SMARCAL1: variants seen among roughly 807,000 people sequenced by gnomAD.
SMARCAL1 encodes ATP-driven annealing helicase.
A neutral mutation model predicts 94.5 loss-of-function variants in SMARCAL1; 58 were observed. That is an observed-to-expected ratio of 0.61 (90% CI 0.50 to 0.76). The LOEUF is 0.76. Ranked by LOEUF, SMARCAL1 falls within the 30% of genes least tolerant of loss-of-function variation. The probability of loss-of-function intolerance (pLI) is 0.00; values close to 1 mark genes in which losing one functional copy is unlikely to be tolerated. For synonymous variants in SMARCAL1, 422 were observed against 455.1 expected, an observed-to-expected ratio of 0.93 and a Z score of 0.93; for missense variants, 1,051 against 1,177.9, an observed-to-expected ratio of 0.89 and a Z score of 1.58.
chr2:216,438,767 T>G (rs1694132985), intron 10 of SMARCAL1, among the ~76,000 whole-genome samples: 1 of 152,136 alleles, frequency 6.6e-6, no homozygotes, highest in Non-Finnish European at 1.5e-5. Flanking sequence ...GGGTGGGCAT[T>G]GGACTCCAGA....
chr2:216,477,064 C>G (rs1042679147), intron 15 of SMARCAL1, 45 bp from the exon 16 acceptor site: 14 of 1,477,834 alleles, frequency 9.5e-6, no homozygotes, highest in Non-Finnish European at 1.3e-5. Context: ...GTGGATGGAA[C>G]TGCTTCAGGC....
Position 216,447,174 on chromosome 2 carries a change from T to C in SMARCAL1, c.1851+16T>C. On this transcript the variant is annotated intron_variant, in intron 11 of 17. Coordinates refer to ENST00000357276, the MANE Select transcript of SMARCAL1 (RefSeq NM_014140.4). ...TGCCAAACGGGTATGTATTATCTCT[T>C]CCCTCCCAGCCCACCCATTTCTCAC... is the stretch of plus-strand genomic sequence containing the variant. 1 of 1,579,322 alleles carries C rather than the reference T, an allele frequency of 6.3e-7. No homozygotes were observed. Among genetic ancestry groups the C allele is most frequent in the Non-Finnish European group, 8.7e-7 (1 of 1,150,208 alleles).
At chr2:216,421,476 T>A (rs1037659200) in intron 5 of SMARCAL1, among the ~76,000 whole-genome samples, 5 of 152,126 alleles carry the variant, frequency 3.3e-5, no homozygotes, top group Non-Finnish European at 4.4e-5. Context: ...TTTTGTATTT[T>A]TAGTAGAAGT....
intron 10 of SMARCAL1, chr2:216,446,763 C>G: frequency 1.6e-6 from 1 of 621,110 alleles, no homozygotes; most frequent in Non-Finnish European, 3.0e-6. Context: ...TGCAGTCTAA[C>G]AAGGGAGACA....
rs1342420059 is a variant in SMARCAL1 at position 216,482,660 on chromosome 2, C to A, written c.2626-78C>A. On this transcript the variant is annotated intron_variant, in intron 17 of 17. Transcript: ENST00000357276. The surrounding 1 kb of genome is among the most constrained non-coding windows in gnomAD (Gnocchi z 4.3). Reference sequence around the variant, plus strand: ...GTGGTCTCTCATCTTTATATTCTCTCATCAGCCCTAGTGGAGGAGAGTCAG... The same window carrying A: ...GTGGTCTCTCATCTTTATATTCTCTAATCAGCCCTAGTGGAGGAGAGTCAG... The A allele has an allele frequency of 6.3e-7, 1 of 1,592,002 alleles. No individual in the cohort carries two copies. Among genetic ancestry groups the A allele is most frequent in the African/African-American group, 1.3e-5 (1 of 74,476 alleles).
At position 216,432,977 on chromosome 2, in the gene SMARCAL1, CAAGT is replaced by C. The variant is rs1004690280; in HGVS notation, c.1485+112_1485+115del. On this transcript the variant is annotated intron_variant, in intron 8 of 17. Transcript: ENST00000357276. ...CTAGGGATCTTTAAGGATCCTGTCT[CAAGT>C]AAAGGCAAAGGCAGGAAGAGAGATG... The C allele has an allele frequency of 3.0e-5, 42 of 1,378,836 alleles. No homozygotes were observed. In the Middle Eastern group the frequency reaches 7.6e-4, roughly 25 times the overall value. 85.4% of individuals were successfully genotyped at this position (1,378,836 alleles called of 1,614,324 possible). A position where few individuals can be genotyped will look rare whatever the true frequency, so the allele number is the denominator to read the frequency against.
At chr2:216,426,922 G>T (rs1434999374) in intron 6 of SMARCAL1, 2 of 152,224 alleles carry the variant, frequency 1.3e-5, no homozygotes, top group Non-Finnish European at 2.9e-5. Flanking sequence ...ACCTGAGTAC[G>T]TGAATGCTCA....
intron 13 of SMARCAL1, among the ~76,000 whole-genome samples, chr2:216,467,051 G>A (rs1350449863): frequency 6.6e-6 from 1 of 152,162 alleles, no homozygotes; most frequent in Non-Finnish European, 1.5e-5. Flanking sequence ...CCTCTTCTTT[G>A]GGATTGTGAT....
At chr2:216,417,024 A>G (rs1380894916) in intron 4 of SMARCAL1, among the ~76,000 whole-genome samples, 1 of 152,130 alleles carries the variant, frequency 6.6e-6, no homozygotes, top group Non-Finnish European at 1.5e-5. Flanking sequence ...TTCATCTTCC[A>G]TTTATTTTAC....
At chr2:216,480,825 A>G (rs917306427) in intron 17 of SMARCAL1, among the ~76,000 whole-genome samples, 1 of 152,186 alleles carries the variant, frequency 6.6e-6, no homozygotes, top group Admixed American at 6.5e-5. Flanking sequence ...TTGATGAGGT[A>G]GGGACAGCGG....
intron 10 of SMARCAL1, among the ~76,000 whole-genome samples, chr2:216,442,009 G>GT (rs1694207371): frequency 6.6e-6 from 1 of 152,196 alleles, no homozygotes; most frequent in Non-Finnish European, 1.5e-5. Flanking sequence ...CTCTTTTTCT[G>GT]TAAGTAGAGA....
At chr2:216,448,961 C>A (rs1295664417) in intron 11 of SMARCAL1, among the ~76,000 whole-genome samples, 1 of 152,210 alleles carries the variant, frequency 6.6e-6, no homozygotes, top group African/African-American at 2.4e-5. Context: ...TTTTCTGTTG[C>A]TGTAACTAAA....
chr2:216,477,054 G>A, intron 15 of SMARCAL1, 55 bp from the exon 16 acceptor site: 3 of 1,407,518 alleles, frequency 2.1e-6, no homozygotes, highest in Non-Finnish European at 2.9e-6. Context: ...ACCTGCTATG[G>A]TGGATGGAAC....
At chr2:216,416,551 G>A (rs561569522) in intron 4 of SMARCAL1, among the ~76,000 whole-genome samples, 109 of 152,296 alleles carry the variant, frequency 7.2e-4, no homozygotes, top group African/African-American at 2.6e-3. Flanking sequence ...GCTATTCTAA[G>A]CCCCTTATGC....
At position 216,468,564 on chromosome 2, in the gene SMARCAL1, C is replaced by T. The variant is rs564563730; in HGVS notation, c.2244+518C>T. Among the ~76,000 whole-genome samples, 3 of 152,188 alleles carry T rather than the reference C, an allele frequency of 2.0e-5. No homozygotes were observed. In the East Asian group the frequency reaches 5.8e-4, roughly 29 times the overall value. ...TTATGAAAACTGAACACATTTCATC[C>T]CCTTTTCATTTTTGGTTAAATTTAA... is the stretch of plus-strand genomic sequence containing the variant. On this transcript the variant is annotated intron_variant, in intron 14 of 17. Transcript: ENST00000357276.
At chr2:216,430,777 C>T (rs902829205) in intron 7 of SMARCAL1, among the ~76,000 whole-genome samples, 3 of 152,210 alleles carry the variant, frequency 2.0e-5, no homozygotes, top group Non-Finnish European at 4.4e-5. Context: ...GCTCAAAGGG[C>T]GTGGGGCTCT....
Position 216,475,210 on chromosome 2 carries a change from G to A in SMARCAL1, c.2245-59G>A, listed in dbSNP as rs187409009. The A allele has an allele frequency of 8.2e-6, 13 of 1,587,384 alleles. No individual in the cohort carries two copies. The African/African-American group carries it at 1.6e-4, about 20-fold the overall frequency. ...TGTGCTGGAGCTGTGGCTGGGTGTG[G>A]TTTGCTGAGAAGCCCCCGGGGCTGT... On this transcript the variant is annotated intron_variant, in intron 14 of 17. Transcript: ENST00000357276. This position sits in a 1 kb window ranked among gnomAD's most constrained non-coding sequence, Gnocchi z 4.4.
At position 216,447,082 on chromosome 2, in the gene SMARCAL1, C is replaced by T. The variant is rs199876834; in HGVS notation, c.1775C>T (p.Thr592Met). 34 of 1,614,040 alleles carry T rather than the reference C, an allele frequency of 2.1e-5. No individual in the cohort carries two copies. Among genetic ancestry groups the T allele is most frequent in the Admixed American group, 1.2e-4 (7 of 60,014 alleles). ...PAMSRPAELY[T>M]QIIAVKPTFF... Reference sequence around the variant, plus strand: ...ATGTCCCGGCCCGCAGAGCTCTACACGCAGATCATCGCAGTCAAGCCAACT... The same window carrying T: ...ATGTCCCGGCCCGCAGAGCTCTACATGCAGATCATCGCAGTCAAGCCAACT... The change falls in exon 11 of 18, where the codon ACG becomes ATG. Residue 592 changes from threonine (T) to methionine (M), a missense_variant. Thr to Met is a moderately conservative substitution (Grantham distance 81, BLOSUM62 -1). Coordinates refer to ENST00000357276, the MANE Select transcript of SMARCAL1 (RefSeq NM_014140.4).
chr2:216,460,980 G>C (rs891640234), intron 12 of SMARCAL1, among the ~76,000 whole-genome samples: 1 of 151,558 alleles, frequency 6.6e-6, no homozygotes, highest in African/African-American at 2.4e-5. Context: ...GAAAGAGAAA[G>C]TTACTAAAAA....
Sources: allele counts gnomAD v4.1 joint callset (sites outside exome capture counted in the v4.1 genomes callset), GRCh38; gene constraint gnomAD v4.1.1; non-coding constraint Gnocchi (gnomAD v3.1); transcripts MANE v1.5; gene names NCBI Gene and HGNC (gene_info 2026-07-23, HGNC 2026-07-21).